The following SEMA5A variants were observed in gnomAD, a reference collection of about 807,000 sequenced individuals.
The protein encoded by SEMA5A is semaphorin-5A.
Under a neutral mutation model 135.5 loss-of-function variants are expected in SEMA5A, and 55 were observed. That is an observed-to-expected ratio of 0.41 (90% CI 0.33 to 0.51). SEMA5A has a LOEUF of 0.51. SEMA5A is among the 20% of genes least tolerant of loss of function. The pLI is 0.37. For synonymous variants in SEMA5A, 580 were observed against 546.5 expected, an observed-to-expected ratio of 1.06 and a Z score of -0.85; for missense variants, 1,290 against 1,419.9, an observed-to-expected ratio of 0.91 and a Z score of 1.47.
chr5:9,446,837 C>G lies in SEMA5A; in HGVS notation c.-174-8985G>C, dbSNP rs543081458. Among the ~76,000 whole-genome samples, 3 of 152,250 alleles carry G rather than the reference C, an allele frequency of 2.0e-5. No individual in the cohort carries two copies. The East Asian group carries it at 5.8e-4, about 29-fold the overall frequency. ...TTGACTACTCTTGTTACTTAACTAT[C>G]TCTGTTAAAACATAAAAAAAGGGCT... On this transcript the variant is annotated intron_variant, in intron 1 of 22. Coordinates refer to ENST00000382496, the MANE Select transcript of SEMA5A (RefSeq NM_003966.3).
intron 16 of SEMA5A, among the ~76,000 whole-genome samples, chr5:9,070,315 G>A (rs915865703): frequency 2.6e-5 from 4 of 152,124 alleles, no homozygotes; most frequent in African/African-American, 7.2e-5. Context: ...AGGTTGCAGT[G>A]AGCCGACATT....
intron 14 of SEMA5A, among the ~76,000 whole-genome samples, chr5:9,119,864 G>A (rs1740714931): frequency 6.6e-6 from 1 of 152,028 alleles, no homozygotes; most frequent in Non-Finnish European, 1.5e-5. Context: ...AACTAACCAT[G>A]TGTATTTATG....
At chr5:9,218,453 G>C (rs1305772160) in intron 8 of SEMA5A, among the ~76,000 whole-genome samples, 2 of 152,140 alleles carry the variant, frequency 1.3e-5, no homozygotes, top group African/African-American at 4.8e-5. Flanking sequence ...CGTTTCATCG[G>C]TTTGTCCAAT....
intron 5 of SEMA5A, among the ~76,000 whole-genome samples, chr5:9,303,352 G>A (rs988620401): frequency 6.6e-6 from 1 of 151,980 alleles, no homozygotes; most frequent in Non-Finnish European, 1.5e-5. Context: ...TCCTAACCTC[G>A]TGATCCACCT....
chr5:9,341,324 C>T (rs1289584113), intron 3 of SEMA5A, among the ~76,000 whole-genome samples: 1 of 151,976 alleles, frequency 6.6e-6, no homozygotes, highest in Admixed American at 6.6e-5. Context: ...TTCATCATCA[C>T]AATAACAGAT....
In SEMA5A at chr5:9,263,040, GA is replaced by G. The variant is rs574641708; in HGVS notation, c.271-25151del. Among the ~76,000 whole-genome samples, 493 of 128,056 alleles carry G rather than the reference GA, an allele frequency of 3.8e-3. 2 individuals carry two copies. Among genetic ancestry groups the G allele is most frequent in the South Asian group, 9.2e-3 (37 of 4,006 alleles). The allele number at this position is 128,056 out of a possible 152,430, so 84.0% of individuals were successfully genotyped here. On this transcript the variant is annotated intron_variant, in intron 5 of 22. Transcript: ENST00000382496. ...GCAAGCTAAATCCATTCTGTCAATA[GA>G]AAAAAAAAAAAAGATACAGATGTCT... is the stretch of plus-strand genomic sequence containing the variant.
Position 9,204,161 on chromosome 5 carries a change from A to T in SEMA5A, c.647-1921T>A, listed in dbSNP as rs993723691. Among the ~76,000 whole-genome samples the T allele has an allele frequency of 6.6e-6, 1 of 152,216 alleles. No homozygotes were observed. The highest frequency in any genetic ancestry group is 1.5e-5 in the Non-Finnish European group (1 of 68,050). On this transcript the variant is annotated intron_variant, in intron 8 of 22. Transcript: ENST00000382496. The surrounding 1 kb of genome is among the most constrained non-coding windows in gnomAD (Gnocchi z 6.4). ...GGAATGGGTCCTGCACCCTGGCTAAACAAAACTAGAGTTTGGGAATTGTAC... is the reference window on the plus strand; with the variant it reads ...GGAATGGGTCCTGCACCCTGGCTAATCAAAACTAGAGTTTGGGAATTGTAC...
intron 2 of SEMA5A, among the ~76,000 whole-genome samples, chr5:9,423,058 A>G (rs747911518): frequency 3.9e-5 from 6 of 152,148 alleles, no homozygotes; most frequent in Non-Finnish European, 5.9e-5. Context: ...TGAGCTCAAC[A>G]TCATTCATTA....
chr5:9,240,852 C>T (rs976286685), intron 5 of SEMA5A, among the ~76,000 whole-genome samples: 1 of 152,092 alleles, frequency 6.6e-6, no homozygotes, highest in Non-Finnish European at 1.5e-5. Flanking sequence ...AGATGTTTTT[C>T]CACTAACCCA....
At chr5:9,075,335 G>C (rs1218080055) in intron 16 of SEMA5A, among the ~76,000 whole-genome samples, 3 of 152,080 alleles carry the variant, frequency 2.0e-5, no homozygotes, top group Non-Finnish European at 4.4e-5. Context: ...ATTTACCCAA[G>C]AGAAAATGAA....
chr5:9,124,749 C>T (rs966645477), intron 13 of SEMA5A, among the ~76,000 whole-genome samples: 1 of 152,166 alleles, frequency 6.6e-6, no homozygotes, highest in African/African-American at 2.4e-5. Context: ...AGCCACCATG[C>T]ACGGCCTCCA....
chr5:9,430,023 T>TGCTGGGAGCTTA (rs1342050823), intron 2 of SEMA5A, among the ~76,000 whole-genome samples: 26 of 152,322 alleles, frequency 1.7e-4, no homozygotes, highest in Middle Eastern at 3.4e-3. Flanking sequence ...GGGACCAAGT[T>TGCTGGGAGCTTA]GCTGGGAGCT....
intron 1 of SEMA5A, chr5:9,523,203 A>G (rs1194326375): frequency 6.6e-6 from 1 of 152,200 alleles, no homozygotes; most frequent in Non-Finnish European, 1.5e-5. Context: ...CGCAGAGAAC[A>G]ATGGGATTCC....
At chr5:9,409,496 T>A (rs1016261142) in intron 2 of SEMA5A, among the ~76,000 whole-genome samples, 1 of 152,166 alleles carries the variant, frequency 6.6e-6, no homozygotes, top group South Asian at 2.1e-4. Flanking sequence ...TCTCTGTACA[T>A]CCACCTGTGA....
At chr5:9,494,928 A>G (rs1169573011) in intron 1 of SEMA5A, among the ~76,000 whole-genome samples, 1 of 152,214 alleles carries the variant, frequency 6.6e-6, no homozygotes, top group Non-Finnish European at 1.5e-5. Context: ...CTAAGAAATA[A>G]CAAATGCAAC....
intron 8 of SEMA5A, among the ~76,000 whole-genome samples, chr5:9,206,336 T>G (rs1746013970): frequency 6.6e-6 from 1 of 152,204 alleles, no homozygotes; most frequent in African/African-American, 2.4e-5. Flanking sequence ...ATATATCATG[T>G]TAATAAGAAT....
chr5:9,282,036 C>G (rs946635751), intron 5 of SEMA5A, among the ~76,000 whole-genome samples: 1 of 152,048 alleles, frequency 6.6e-6, no homozygotes, highest in African/African-American at 2.4e-5. Flanking sequence ...TGGTCTTGAA[C>G]TCCTGACCTC....
intron 8 of SEMA5A, among the ~76,000 whole-genome samples, chr5:9,219,294 G>A (rs1746801095): frequency 6.6e-6 from 1 of 152,194 alleles, no homozygotes; most frequent in African/African-American, 2.4e-5. Context: ...CACTCTAAAA[G>A]TGGTCTCTGC....
At chr5:9,341,326 A>G (rs1412828874) in intron 3 of SEMA5A, among the ~76,000 whole-genome samples, 1 of 152,062 alleles carries the variant, frequency 6.6e-6, no homozygotes, top group East Asian at 1.9e-4. Flanking sequence ...CATCATCACA[A>G]TAACAGATTT....
Sources: allele counts gnomAD v4.1 joint callset (sites outside exome capture counted in the v4.1 genomes callset), GRCh38; gene constraint gnomAD v4.1.1; non-coding constraint Gnocchi (gnomAD v3.1); transcripts MANE v1.5; gene names NCBI Gene and HGNC (gene_info 2026-07-23, HGNC 2026-07-21).